The following EXOC6 variants were observed in gnomAD, a reference collection of about 807,000 sequenced individuals.
EXOC6 encodes exocyst complex component 6.
A neutral mutation model predicts 112.5 loss-of-function variants in EXOC6; 60 were observed. The ratio of observed to expected loss-of-function variants is 0.53; its 90% CI spans 0.43 to 0.66. The LOEUF (loss-of-function observed/expected upper bound fraction) is 0.66. EXOC6 is among the 30% of genes least tolerant of loss of function. The pLI, the probability that EXOC6 is intolerant of heterozygous loss-of-function variation, is 0.00. For synonymous variants in EXOC6, 295 were observed against 308.0 expected (o/e 0.96, Z 0.44); for missense variants, 855 against 957.1 (o/e 0.89, Z 1.41).
chr10:92,944,437 A>G (rs1043437442), intron 13 of EXOC6, among the ~76,000 whole-genome samples: 1 of 151,978 alleles, frequency 6.6e-6, no homozygotes, highest in East Asian at 1.9e-4. Context: ...GGGTTTCACC[A>G]TCTTGGCCAG....
intron 1 of EXOC6, among the ~76,000 whole-genome samples, chr10:92,863,058 A>G (rs1241527185): frequency 6.6e-6 from 1 of 152,246 alleles, no homozygotes; most frequent in South Asian, 2.1e-4. Context: ...TCAGAGTATA[A>G]TAAAACTATC....
Position 92,915,896 on chromosome 10 carries a change from G to T in EXOC6, c.802G>T (p.Asp268Tyr). Reference protein sequence around the residue: ...TVLKHSLEEEDENEEEILTVQ... With the variant: ...TVLKHSLEEEYENEEEILTVQ... ...ATTGAAACATTCACTTGAAGAAGAG[G>T]ATGAGAATGAAGAAGAGGTGATAGG... The change falls in exon 7 of 22, where the codon GAT becomes TAT. Residue 268 changes from aspartate to tyrosine, a missense_variant. Physicochemically the swap from Asp to Tyr is radical, Grantham distance 160. Transcript: ENST00000260762. 6.5e-7 allele frequency: 1 copy of T among 1,538,602 alleles called. No individual in the cohort carries two copies. Among genetic ancestry groups the T allele is most frequent in the South Asian group, 1.3e-5 (1 of 76,934 alleles).
chr10:92,954,905 G>A (rs981123312), intron 16 of EXOC6, among the ~76,000 whole-genome samples, 164 bp downstream of exon 16: 9 of 152,160 alleles, frequency 5.9e-5, no homozygotes, highest in Non-Finnish European at 1.3e-4. Context: ...CCAGAAATGT[G>A]AGGATCCCAG....
At chr10:92,849,270 C>A (rs1847210696) in intron 1 of EXOC6, among the ~76,000 whole-genome samples, 1 of 152,098 alleles carries the variant, frequency 6.6e-6, no homozygotes, top group Non-Finnish European at 1.5e-5. Context: ...GCTAGGGTGA[C>A]CCTGCGCTCG....
At chr10:92,827,441 T>A (rs1318882469) in intron 1 of EXOC6, among the ~76,000 whole-genome samples, 5 of 116,236 alleles carry the variant, frequency 4.3e-5, no homozygotes, top group Non-Finnish European at 8.1e-5. Context: ...ACCACTGCAC[T>A]GCAGCCTGGG....
At chr10:92,843,359 G>A (rs988587961) in intron 1 of EXOC6, among the ~76,000 whole-genome samples, 11 of 152,230 alleles carry the variant, frequency 7.2e-5, no homozygotes, top group African/African-American at 2.7e-4. Context: ...AAAAGCCACT[G>A]GGAAGGATTA....
At chr10:93,028,912 TG>T (rs1213552552) in intron 20 of EXOC6, among the ~76,000 whole-genome samples, 9 of 152,170 alleles carry the variant, frequency 5.9e-5, no homozygotes, top group Non-Finnish European at 1.2e-4. Flanking sequence ...TTGAAAGGAT[TG>T]ACTCCAATTT....
At chr10:92,986,869 C>T (rs1357843614) in intron 18 of EXOC6, among the ~76,000 whole-genome samples, 1 of 151,972 alleles carries the variant, frequency 6.6e-6, no homozygotes, top group Non-Finnish European at 1.5e-5. Context: ...TAGTACAGAA[C>T]TACGGCAGGG....
chr10:92,998,322 A>G (rs139647956), intron 19 of EXOC6, among the ~76,000 whole-genome samples: 1,525 of 152,288 alleles, frequency 0.01, 28 homozygotes, highest in African/African-American at 0.035. Context: ...TGATTAAACA[A>G]TGAAAATCCC....
intron 1 of EXOC6, among the ~76,000 whole-genome samples, chr10:92,869,235 T>C (rs11815947): frequency 0.022 from 3,348 of 152,022 alleles, 56 homozygotes; most frequent in African/African-American, 0.041. Flanking sequence ...ACTCCTGGGC[T>C]TAAGTAATCC....
intron 17 of EXOC6, among the ~76,000 whole-genome samples, chr10:92,967,875 T>C (rs1245871450): frequency 1.3e-5 from 2 of 152,202 alleles, no homozygotes. Context: ...CTGCCTCTCT[T>C]CAGTTGTGTA....
intron 20 of EXOC6, among the ~76,000 whole-genome samples, chr10:93,034,014 A>G (rs1845394322): frequency 6.6e-6 from 1 of 152,256 alleles, no homozygotes; most frequent in South Asian, 2.1e-4. Flanking sequence ...GCACTTCTTA[A>G]TAACTACTGC....
chr10:92,865,678 C>T (rs1294560328), intron 1 of EXOC6, among the ~76,000 whole-genome samples: 1 of 151,926 alleles, frequency 6.6e-6, no homozygotes, highest in African/African-American at 2.4e-5. Flanking sequence ...AACTTCTGGC[C>T]TCAAGTGATT....
At chr10:93,041,253 A>G (rs1845760216) in intron 20 of EXOC6, among the ~76,000 whole-genome samples, 1 of 151,704 alleles carries the variant, frequency 6.6e-6, no homozygotes, top group Non-Finnish European at 1.5e-5. Context: ...TTTTCTCTCT[A>G]TCCCAACTAT....
intron 18 of EXOC6, among the ~76,000 whole-genome samples, chr10:92,975,026 C>T (rs1193605462): frequency 2.0e-5 from 3 of 151,690 alleles, no homozygotes; most frequent in Non-Finnish European, 4.4e-5. Context: ...CCTGGTCGCC[C>T]ATTGTCTGGG....
chr10:92,950,616 G>T (rs1371326955), intron 14 of EXOC6, among the ~76,000 whole-genome samples: 1 of 151,780 alleles, frequency 6.6e-6, no homozygotes, highest in Non-Finnish European at 1.5e-5. Flanking sequence ...ATGCAGAAAG[G>T]CTGCATAAAG....
upstream of EXOC6, among the ~76,000 whole-genome samples, chr10:92,829,860 C>T (rs567956805): frequency 1.6e-3 from 251 of 152,190 alleles, 1 homozygote; most frequent in South Asian, 0.011. Context: ...ATCCTCACTG[C>T]TCATTATAAT....
At chr10:93,043,179 C>A (rs979594380) in intron 20 of EXOC6, among the ~76,000 whole-genome samples, 31 of 152,070 alleles carry the variant, frequency 2.0e-4, no homozygotes, top group Admixed American at 6.6e-5. Flanking sequence ...TCGTGATCCA[C>A]CCGCCTCGGC....
intron 11 of EXOC6, among the ~76,000 whole-genome samples, chr10:92,934,659 G>T (rs1852250607): frequency 6.6e-6 from 1 of 152,056 alleles, no homozygotes; most frequent in African/African-American, 2.4e-5. Context: ...AGAAAATGAA[G>T]AATTAAGCAG....
Sources: gnomAD v4.1 joint callset for allele counts (sites outside exome capture counted in the v4.1 genomes callset) on GRCh38, gnomAD v4.1.1 for gene constraint, MANE v1.5 for transcripts, NCBI Gene and HGNC (gene_info 2026-07-23, HGNC 2026-07-21) for gene names.